PRIMA1: variants seen among roughly 807,000 people sequenced by gnomAD.
PRIMA1 encodes the protein proline-rich membrane anchor 1.
A neutral mutation model predicts 17.5 loss-of-function variants in PRIMA1; 7 were observed. The ratio of observed to expected loss-of-function variants is 0.40; its 90% CI spans 0.23 to 0.75. The LOEUF (loss-of-function observed/expected upper bound fraction) is 0.75. Among genes scored for constraint, PRIMA1 ranks in the 30% least tolerant of loss-of-function variants. The probability of loss-of-function intolerance (pLI) is 0.37; values close to 1 mark genes in which losing one functional copy is unlikely to be tolerated. For missense variants in PRIMA1, 200 were observed against 201.8 expected, an observed-to-expected ratio of 0.99 and a Z score of 0.05; for synonymous variants, 97 against 77.9, an observed-to-expected ratio of 1.25 and a Z score of -1.29.
chr14:93,778,765 G>T (rs1885291952), intron 3 of PRIMA1, among the ~76,000 whole-genome samples: 1 of 152,278 alleles, frequency 6.6e-6, no homozygotes, highest in East Asian at 1.9e-4. Flanking sequence ...TTGAAACTCT[G>T]CTCCCAGAGC....
At chr14:93,774,555 C>T (rs1885154613) in intron 3 of PRIMA1, among the ~76,000 whole-genome samples, 1 of 152,232 alleles carries the variant, frequency 6.6e-6, no homozygotes, top group Non-Finnish European at 1.5e-5. Context: ...CCTGCCTGAT[C>T]CTTGGGCTGC....
intron 3 of PRIMA1, among the ~76,000 whole-genome samples, chr14:93,755,331 A>G (rs369571587): frequency 2.0e-5 from 3 of 152,322 alleles, no homozygotes; most frequent in Admixed American, 6.5e-5. Flanking sequence ...ATGCTTTCAC[A>G]TCGGTGTGAT....
At chr14:93,731,054 T>C (rs1240583833) in intron 4 of PRIMA1, among the ~76,000 whole-genome samples, 1 of 152,254 alleles carries the variant, frequency 6.6e-6, no homozygotes, top group East Asian at 1.9e-4. Context: ...TAAATTTGAC[T>C]GTGTTGAGAG....
intron 2 of PRIMA1, 99 bp from the exon 3 acceptor site, chr14:93,779,410 A>T (rs919443965): frequency 3.9e-6 from 4 of 1,038,390 alleles, no homozygotes; most frequent in Non-Finnish European, 5.5e-6. Flanking sequence ...CCAGGCTGGG[A>T]CTTGGGATTC....
intron 3 of PRIMA1, among the ~76,000 whole-genome samples, chr14:93,776,762 C>T (rs1171344438): frequency 6.6e-6 from 1 of 152,210 alleles, no homozygotes; most frequent in African/African-American, 2.4e-5. Flanking sequence ...GAAACTTAAG[C>T]TCCTTTTGAT....
chr14:93,727,024 C>T (rs1467368059), intron 4 of PRIMA1, among the ~76,000 whole-genome samples: 2 of 152,190 alleles, frequency 1.3e-5, no homozygotes, highest in Non-Finnish European at 2.9e-5. Flanking sequence ...CAAGAAGCTA[C>T]AAAAAGCCTT....
chr14:93,784,649 C>T (rs772614986), intron 2 of PRIMA1, among the ~76,000 whole-genome samples: 5 of 152,208 alleles, frequency 3.3e-5, no homozygotes, highest in Non-Finnish European at 7.3e-5. Flanking sequence ...GTCCCTCTCT[C>T]CTCTGGCCTT....
chr14:93,750,028 A>G (rs2076250444), intron 3 of PRIMA1, among the ~76,000 whole-genome samples: 2 of 152,224 alleles, frequency 1.3e-5, no homozygotes, highest in South Asian at 4.1e-4. Context: ...TAAAAATACA[A>G]AAAAGTAGCC....
chr14:93,748,379 A>G (rs1401040942), intron 3 of PRIMA1, among the ~76,000 whole-genome samples: 1 of 152,150 alleles, frequency 6.6e-6, no homozygotes. Flanking sequence ...CATGTGACAA[A>G]CGGCCAGGAG....
At chr14:93,737,449 T>A (rs2076157198) in intron 3 of PRIMA1, 79 bp from the exon 4 acceptor site, 1 of 1,543,758 alleles carries the variant, frequency 6.5e-7, no homozygotes, top group African/African-American at 1.4e-5. Context: ...CCATCATGGG[T>A]GACACCAACA....
At chr14:93,765,331 G>A (rs1464827527) in intron 3 of PRIMA1, among the ~76,000 whole-genome samples, 1 of 151,414 alleles carries the variant, frequency 6.6e-6, no homozygotes, top group Admixed American at 6.6e-5. Flanking sequence ...GTCCAGCCCT[G>A]TGCTGCCGCT....
chr14:93,723,614 C>T (rs2076056945), intron 4 of PRIMA1, among the ~76,000 whole-genome samples: 1 of 152,162 alleles, frequency 6.6e-6, no homozygotes, highest in South Asian at 2.1e-4. Context: ...GCCCAGCCAC[C>T]GTGGCTTCTT....
intron 4 of PRIMA1, among the ~76,000 whole-genome samples, chr14:93,734,642 G>A (rs1566965117): frequency 1.6e-5 from 2 of 121,732 alleles, no homozygotes; most frequent in Middle Eastern, 3.9e-3. Context: ...CCCCATCCAT[G>A]CCCCAGAGGA....
At chr14:93,727,206 C>T (rs907771297) in intron 4 of PRIMA1, among the ~76,000 whole-genome samples, 15 of 152,188 alleles carry the variant, frequency 9.9e-5, no homozygotes, top group Admixed American at 5.2e-4. Flanking sequence ...TGAGCTGCGG[C>T]GGAACTGGCG....
intron 3 of PRIMA1, among the ~76,000 whole-genome samples, chr14:93,761,287 GT>G: frequency 6.6e-6 from 1 of 152,262 alleles, no homozygotes; most frequent in East Asian, 1.9e-4. Context: ...GGAGGCAGAG[GT>G]TGCAGCGAGC....
chr14:93,723,214 T>TC (rs1486362668), intron 4 of PRIMA1, among the ~76,000 whole-genome samples: 5 of 152,214 alleles, frequency 3.3e-5, no homozygotes, highest in African/African-American at 7.2e-5. Context: ...CCCAGCCCCC[T>TC]CCAGGGTTCC....
chr14:93,768,133 T>C (rs997928256), intron 3 of PRIMA1, among the ~76,000 whole-genome samples: 1 of 152,260 alleles, frequency 6.6e-6, no homozygotes, highest in African/African-American at 2.4e-5. Flanking sequence ...CCAGGAAGCA[T>C]ATGCCGGGCC....
intron 3 of PRIMA1, among the ~76,000 whole-genome samples, chr14:93,765,571 C>A (rs981072069): frequency 6.6e-6 from 1 of 151,822 alleles, no homozygotes; most frequent in African/African-American, 2.4e-5. Context: ...AAAAGGAGGT[C>A]TACACGAGGG....
Position 93,779,213 on chromosome 14 carries a change from G to T in PRIMA1, c.192C>A (p.Pro64=), listed in dbSNP as rs1166995051. 2 of 1,328,054 alleles carry T rather than the reference G, an allele frequency of 1.5e-6. No homozygotes were observed. Among genetic ancestry groups the T allele is most frequent in the Non-Finnish European group, 2.0e-6 (2 of 1,002,274 alleles). The allele number at this position is 1,328,054 out of a possible 1,614,324, so 82.3% of individuals were successfully genotyped here. A position where few individuals can be genotyped will look rare whatever the true frequency, so the allele number is the denominator to read the frequency against. The change falls in exon 3 of 5, where the codon CCC becomes CCA. Residue 64 remains proline (P), a synonymous_variant. Coordinates refer to ENST00000393140, the MANE Select transcript of PRIMA1 (RefSeq NM_178013.4). Reference sequence around the variant, plus strand: ...GGAGTCTGGGAGGTGGCGGGGGTGGGGGCGGCGGGGGCAGCGGGGGAGGGG... The same window carrying T: ...GGAGTCTGGGAGGTGGCGGGGGTGGTGGCGGCGGGGGCAGCGGGGGAGGGG... The part of the protein sequence containing the change: ...CRPPPPLPPP[P]PPPPPPRLLS...
Sources: allele counts gnomAD v4.1 joint callset (sites outside exome capture counted in the v4.1 genomes callset), GRCh38; gene constraint gnomAD v4.1.1; transcripts MANE v1.5; gene names NCBI Gene and HGNC (gene_info 2026-07-23, HGNC 2026-07-21).